Variants in CCL27 observed in about 807,000 individuals in gnomAD.
CCL27 encodes C-C motif chemokine 27.
A neutral mutation model predicts 7.7 loss-of-function variants in CCL27; 8 were observed. The observed-to-expected ratio is 1.04, with a 90% CI of 0.61 to 1.88. The LOEUF (loss-of-function observed/expected upper bound fraction) is 1.88, where lower values mean the gene tolerates loss of function less well. Ranked by LOEUF, CCL27 falls within the 40% of genes most tolerant of loss-of-function variation. The pLI, the probability that CCL27 is intolerant of heterozygous loss-of-function variation, is 0.00. For missense variants in CCL27, 130 were observed against 130.0 expected (o/e 1.00, Z 0.00); for synonymous variants, 49 against 53.2 (o/e 0.92, Z 0.34).
In CCL27 at chr9:34,662,341, T is replaced by G. The variant is rs765300639; in HGVS notation, c.146A>C (p.Lys49Thr). 64 of 1,613,998 alleles carry G rather than the reference T, an allele frequency of 4.0e-5. No individual in the cohort carries two copies. The highest frequency in any genetic ancestry group is 5.1e-5 in the Non-Finnish European group (60 of 1,180,006). ...RKPLSDKLLR[K>T]VIQVELQEAD... ...CTCCTGCAGTTCCACCTGGATGACC[T>G]TCCTCAGTAGCTTGTCTGAGAGTGG... The change falls in exon 2 of 3, where the codon AAG becomes ACG. Residue 49 changes from lysine (K) to threonine (T), a missense_variant. Lys to Thr is a moderately conservative substitution (Grantham distance 78). Coordinates refer to ENST00000259631, the MANE Select transcript of CCL27 (RefSeq NM_006664.4).
At chr9:34,662,233 T>C in intron 2 of CCL27, 51 bp downstream of exon 2, 6 of 1,611,664 alleles carry the variant, frequency 3.7e-6, no homozygotes, top group Non-Finnish European at 5.1e-6. Context: ...GGATCAGCAT[T>C]AGGGGTTGGG....
chr9:34,662,058 G>C lies in CCL27; in HGVS notation c.225C>G (p.Ser75Arg), dbSNP rs1821468118. The change falls in exon 3 of 3, where the codon AGC becomes AGG. Residue 75 changes from serine (S) to arginine (R), a missense_variant. Physicochemically the swap from Ser to Arg is moderately radical, Grantham distance 110. Coordinates refer to ENST00000259631, the MANE Select transcript of CCL27 (RefSeq NM_006664.4). Reference sequence around the variant, plus strand: ...TGGGGTTCTGGGGGTGGATGCAGATGCTGCGTTGAGCCAGGTGAAGCCTGG... The same window carrying C: ...TGGGGTTCTGGGGGTGGATGCAGATCCTGCGTTGAGCCAGGTGAAGCCTGG... ...QAFVLHLAQR[S>R]ICIHPQNPSL... The C allele has an allele frequency of 3.7e-6, 6 of 1,614,218 alleles. No homozygotes were observed. Among genetic ancestry groups the C allele is most frequent in the Non-Finnish European group, 5.1e-6 (6 of 1,180,042 alleles).
rs1280548362 is a variant in CCL27, at chr9:34,662,014, T to C, written c.269A>G (p.Glu90Gly). ...PQNPSLSQWF[E>G]HQERKLHGTL... The stretch of plus-strand genomic sequence containing the variant: ...CCCATGGAGCTTTCTCTCTTGGTGC[T>C]CAAACCACTGTGACAGGCTGGGGTT... Residue 90 changes from glutamate to glycine, a missense_variant, in exon 3 of 3, where the codon GAG (glutamate) becomes GGG (glycine). Transcript: ENST00000259631. 1.9e-6 allele frequency: 3 copies of C among 1,614,242 alleles called. No homozygotes were observed. The African/African-American group carries it at 4.0e-5, about 22-fold the overall frequency.
Position 34,662,037 on chromosome 9 carries a change from G to T in CCL27, c.246C>A (p.Asn82Lys). ...AQRSICIHPQ[N>K]PSLSQWFEHQ... ...GCTCAAACCACTGTGACAGGCTGGG[G>T]TTCTGGGGGTGGATGCAGATGCTGC... Residue 82 changes from asparagine (N) to lysine (K), a missense_variant, in exon 3 of 3, where the codon AAC becomes AAA. Coordinates refer to ENST00000259631, the MANE Select transcript of CCL27 (RefSeq NM_006664.4). The T allele has an allele frequency of 6.2e-7, 1 of 1,614,250 alleles. No homozygotes were observed. The highest frequency in any genetic ancestry group is 1.7e-5 in the Admixed American group (1 of 60,030).
chr9:34,661,932 C>T lies in CCL27; in HGVS notation c.*12G>A, dbSNP rs773911672. 16 of 1,613,648 alleles carry T rather than the reference C, an allele frequency of 9.9e-6. 1 individual carries two copies. In the Middle Eastern group the frequency reaches 6.6e-4, roughly 66 times the overall value. On this transcript the variant is annotated 3_prime_UTR_variant, in exon 3 of 3. Coordinates refer to ENST00000259631, the MANE Select transcript of CCL27 (RefSeq NM_006664.4). ...TATCCAATGCTGCTTTATTATTTGG[C>T]TATTGGGGGCTTCAGCCCATTTTCC...
At position 34,662,608 on chromosome 9, in the gene CCL27, C is replaced by T; in HGVS notation, c.26G>A (p.Ser9Asn). MKGPPTFC[S>N]LLLLSLLLSP... ...CAGGAGCAATGACAGCAGCAGGAGGCTGCAGAAGGTTGGGGGCCCCTTCAT... is the reference window on the plus strand; with the variant it reads ...CAGGAGCAATGACAGCAGCAGGAGGTTGCAGAAGGTTGGGGGCCCCTTCAT... The change falls in exon 1 of 3, where the codon AGC becomes AAC. Residue 9 changes from serine to asparagine, a missense_variant. By Grantham distance (46) the Ser-to-Asn change is conservative. Transcript: ENST00000259631. 1 of 1,613,684 alleles carries T rather than the reference C, an allele frequency of 6.2e-7. No homozygotes were observed. The highest frequency in any genetic ancestry group is 8.5e-7 in the Non-Finnish European group (1 of 1,179,838).
In CCL27 at chr9:34,662,448, A is replaced by G. The variant is rs79015346; in HGVS notation, c.71-32T>C. On this transcript the variant is annotated intron_variant, in intron 1 of 2. Coordinates refer to ENST00000259631, the MANE Select transcript of CCL27 (RefSeq NM_006664.4). ...GCAACAGGGCCATGTGTTCAGAGGG[A>G]TCCTGACCAAGAACCTCTCTGCCAG... 4.0e-3 allele frequency: 6,458 copies of G among 1,613,882 alleles called. 114 individuals are homozygous for G. The East Asian group carries it at 0.045, about 11-fold the overall frequency.
rs759823376 is a variant in CCL27, at chr9:34,662,594, A to G, written c.40T>C (p.Ser14Pro). 4.3e-6 allele frequency: 7 copies of G among 1,613,976 alleles called. No homozygotes were observed. The highest frequency in any genetic ancestry group is 1.7e-5 in the Admixed American group (1 of 59,992). Residue 14 changes from serine (S) to proline (P), a missense_variant, in exon 1 of 3, where the codon TCA becomes CCA. Ser to Pro is a moderately conservative substitution (Grantham distance 74). Transcript: ENST00000259631. ...GTAGGGTCTGGGCTCAGGAGCAATG[A>G]CAGCAGCAGGAGGCTGCAGAAGGTT... ...PPTFCSLLLL[S>P]LLLSPDPTAA... is the part of the protein sequence containing the mutation.
Position 34,661,934 on chromosome 9 carries a change from A to T in CCL27, c.*10T>A. 1.2e-6 allele frequency: 2 copies of T among 1,613,884 alleles called. No individual in the cohort carries two copies. Among genetic ancestry groups the T allele is most frequent in the Non-Finnish European group, 1.7e-6 (2 of 1,179,836 alleles). Reference sequence around the variant, plus strand: ...TCCAATGCTGCTTTATTATTTGGCTATTGGGGGCTTCAGCCCATTTTCCTT... The same window carrying T: ...TCCAATGCTGCTTTATTATTTGGCTTTTGGGGGCTTCAGCCCATTTTCCTT... On this transcript the variant is annotated 3_prime_UTR_variant, in exon 3 of 3. Transcript: ENST00000259631.
At chr9:34,662,107 A>G (rs1461550091) in intron 2 of CCL27, 28 bp from the exon 3 acceptor site, 2 of 1,613,482 alleles carry the variant, frequency 1.2e-6, no homozygotes, top group South Asian at 1.1e-5. Context: ...CAAAGCTATG[A>G]CCATAGCTTG....
Position 34,662,316 on chromosome 9 carries a change from C to A in CCL27, c.171G>T (p.Glu57Asp), listed in dbSNP as rs369213038. ...LRKVIQVELQ[E>D]ADGDCHLQAF... ...CCTGGAGGTGACAGTCCCCGTCAGC[C>A]TCCTGCAGTTCCACCTGGATGACCT... The change falls in exon 2 of 3, where the codon GAG (glutamate) becomes GAT (aspartate). Residue 57 changes from glutamate to aspartate, a missense_variant. By Grantham distance (45) the Glu-to-Asp change is conservative (BLOSUM62 2). Coordinates refer to ENST00000259631, the MANE Select transcript of CCL27 (RefSeq NM_006664.4). The A allele has an allele frequency of 6.2e-7, 1 of 1,614,108 alleles. No individual in the cohort carries two copies. The highest frequency in any genetic ancestry group is 8.5e-7 in the Non-Finnish European group (1 of 1,180,012).
In CCL27 at chr9:34,662,565, T is replaced by A; in HGVS notation, c.69A>T (p.Ala23=). ...CTTTCTATACCCCCAAGTACTCACC[T>A]GCTGTAGGGTCTGGGCTCAGGAGCA... ...LSLLLSPDPT[A]AFLLPPSTAC... The change falls in exon 1 of 3, where the codon GCA becomes GCT. Residue 23 remains alanine, a splice_region_variant and synonymous_variant. Transcript: ENST00000259631. 1 of 1,614,094 alleles carries A rather than the reference T, an allele frequency of 6.2e-7. No homozygotes were observed.
chr9:34,662,286 G>C lies in CCL27; in HGVS notation c.201C>G (p.Phe67Leu). The C allele has an allele frequency of 6.2e-7, 1 of 1,613,902 alleles. No homozygotes were observed. The highest frequency in any genetic ancestry group is 8.5e-7 in the Non-Finnish European group (1 of 1,179,984). ...GGGTATCAGGGGTGGGAGCTCACAC[G>C]AAAGCCTGGAGGTGACAGTCCCCGT... Reference protein sequence around the residue: ...EADGDCHLQAFVLHLAQRSIC... With the variant: ...EADGDCHLQALVLHLAQRSIC... Residue 67 changes from phenylalanine (F) to leucine (L), a missense_variant and splice_region_variant, in exon 2 of 3, where the codon TTC becomes TTG. Physicochemically the swap from Phe to Leu is conservative, Grantham distance 22. Coordinates refer to ENST00000259631, the MANE Select transcript of CCL27 (RefSeq NM_006664.4).
intron 2 of CCL27, 27 bp from the exon 3 acceptor site, chr9:34,662,106 G>A (rs1015226209): frequency 3.7e-6 from 6 of 1,613,848 alleles, no homozygotes; most frequent in Non-Finnish European, 1.7e-6. Context: ...CCAAAGCTAT[G>A]ACCATAGCTT....
Position 34,662,050 on chromosome 9 carries a change from A to G in CCL27, c.233T>C (p.Ile78Thr). Residue 78 changes from isoleucine to threonine, a missense_variant, in exon 3 of 3, where the codon ATC (isoleucine) becomes ACC (threonine). Physicochemically the swap from Ile to Thr is moderately conservative, Grantham distance 89 (BLOSUM62 -1). Transcript: ENST00000259631. The part of the protein sequence containing the change: ...VLHLAQRSIC[I>T]HPQNPSLSQW... ...TGACAGGCTGGGGTTCTGGGGGTGG[A>G]TGCAGATGCTGCGTTGAGCCAGGTG... 6.2e-7 allele frequency: 1 copy of G among 1,614,170 alleles called. No homozygotes were observed. The highest frequency in any genetic ancestry group is 8.5e-7 in the Non-Finnish European group (1 of 1,180,036).
chr9:34,662,150 A>C, intron 2 of CCL27, 71 bp from the exon 3 acceptor site: 1 of 1,601,490 alleles, frequency 6.2e-7, no homozygotes, highest in East Asian at 2.2e-5. Context: ...CAATGACCCT[A>C]ATTAGGGGTT....
Position 34,662,024 on chromosome 9 carries a change from G to GTT in CCL27, c.258_259insAA (p.Gln87AsnfsTer18). ...TTTCTCTCTTGGTGCTCAAACCACTGTGACAGGCTGGGGTTCTGGGGGTGG... is the reference window on the plus strand; with the variant it reads ...TTTCTCTCTTGGTGCTCAAACCACTGTTTGACAGGCTGGGGTTCTGGGGGTGG... On this transcript the variant is annotated frameshift_variant, in exon 3 of 3. Transcript: ENST00000259631. LOFTEE classifies it low-confidence loss of function (END_TRUNC). 6.2e-7 allele frequency: 1 copy of GTT among 1,614,224 alleles called. No homozygotes were observed. Among genetic ancestry groups the GTT allele is most frequent in the South Asian group, 1.1e-5 (1 of 91,092 alleles).
At chr9:34,662,213 G>A in intron 2 of CCL27, 71 bp downstream of exon 2, 3 of 1,607,468 alleles carry the variant, frequency 1.9e-6, no homozygotes, top group South Asian at 2.2e-5. Context: ...AGCAGTTAGG[G>A]CTGGGGTTGG....
rs749059917 is a variant in CCL27 at position 34,661,915 on chromosome 9, G to A, written c.*29C>T. On this transcript the variant is annotated 3_prime_UTR_variant, in exon 3 of 3. Coordinates refer to ENST00000259631, the MANE Select transcript of CCL27 (RefSeq NM_006664.4). Reference sequence around the variant, plus strand: ...TTATACTCAGAAATTATTATCCAATGCTGCTTTATTATTTGGCTATTGGGG... The same window carrying A: ...TTATACTCAGAAATTATTATCCAATACTGCTTTATTATTTGGCTATTGGGG... The A allele has an allele frequency of 1.9e-6, 3 of 1,611,596 alleles. No homozygotes were observed. The highest frequency in any genetic ancestry group is 3.3e-5 in the Admixed American group (2 of 59,930).
Sources: allele counts gnomAD v4.1 joint callset, GRCh38; gene constraint gnomAD v4.1.1; transcripts MANE v1.5; gene names NCBI Gene and HGNC (gene_info 2026-07-23, HGNC 2026-07-21).